Variants in CTNNA3 observed in about 807,000 individuals in gnomAD.
CTNNA3 encodes catenin alpha 3, also known as catenin alpha-3.
A neutral mutation model predicts 95.7 loss-of-function variants in CTNNA3; 76 were observed. That is an observed-to-expected ratio of 0.79 (90% CI 0.66 to 0.96). The LOEUF (loss-of-function observed/expected upper bound fraction) is 0.96, where lower values mean the gene tolerates loss of function less well. Ranked by LOEUF, CTNNA3 falls within the 40% of genes least tolerant of loss-of-function variation. The pLI is 0.00. For synonymous variants in CTNNA3, 431 were observed against 374.4 expected, an observed-to-expected ratio of 1.15 and a Z score of -1.74; for missense variants, 1,191 against 1,089.8, an observed-to-expected ratio of 1.09 and a Z score of -1.31.
chr10:66,182,651 G>T (rs764191492), intron 13 of CTNNA3, among the ~76,000 whole-genome samples: 12 of 152,058 alleles, frequency 7.9e-5, no homozygotes, highest in Admixed American at 1.3e-4. Flanking sequence ...CCAATGTGTG[G>T]AATTTTCTTT....
intron 5 of CTNNA3, among the ~76,000 whole-genome samples, chr10:67,379,887 G>T (rs540345023): frequency 1.3e-4 from 19 of 151,086 alleles, no homozygotes; most frequent in Non-Finnish European, 2.4e-4. Context: ...CGGGCGTAGT[G>T]GCGGGCGCCT....
At chr10:66,771,870 A>G (rs1564672504) in intron 8 of CTNNA3, among the ~76,000 whole-genome samples, 1 of 152,160 alleles carries the variant, frequency 6.6e-6, no homozygotes, top group Non-Finnish European at 1.5e-5. Context: ...GAATATAATC[A>G]TTGCTGTAAT....
chr10:67,225,033 G>C (rs1221113621), intron 5 of CTNNA3, among the ~76,000 whole-genome samples: 3 of 152,184 alleles, frequency 2.0e-5, no homozygotes, highest in Non-Finnish European at 4.4e-5. Context: ...GGCTGTTTGG[G>C]GGCACGGTGG....
At chr10:66,903,611 T>C (rs1845850792) in intron 7 of CTNNA3, among the ~76,000 whole-genome samples, 1 of 152,140 alleles carries the variant, frequency 6.6e-6, no homozygotes, top group Non-Finnish European at 1.5e-5. Flanking sequence ...GATGACATGA[T>C]TATATATTTA....
At chr10:67,682,853 G>A (rs987186845) in intron 1 of CTNNA3, among the ~76,000 whole-genome samples, 1 of 152,150 alleles carries the variant, frequency 6.6e-6, no homozygotes, top group Non-Finnish European at 1.5e-5. Context: ...AATTCAGAAT[G>A]GGCTAAATAA....
At chr10:66,073,296 G>C (rs565834052) in intron 14 of CTNNA3, among the ~76,000 whole-genome samples, 5 of 152,274 alleles carry the variant, frequency 3.3e-5, no homozygotes, top group African/African-American at 9.6e-5. Context: ...GATGATAACT[G>C]TGTGAGGTAA....
chr10:67,648,247 G>GGC (rs1375135613), intron 1 of CTNNA3, among the ~76,000 whole-genome samples: 1 of 152,098 alleles, frequency 6.6e-6, no homozygotes, highest in Non-Finnish European at 1.5e-5. Flanking sequence ...TATACCAAAT[G>GGC]ACCATATGTG....
intron 7 of CTNNA3, among the ~76,000 whole-genome samples, chr10:67,166,166 A>G (rs1861762636): frequency 6.6e-6 from 1 of 152,214 alleles, no homozygotes; most frequent in African/African-American, 2.4e-5. Context: ...TAGGTATTCA[A>G]TGATTCTAAT....
At chr10:67,642,922 A>AGGGGTCT in intron 2 of CTNNA3, among the ~76,000 whole-genome samples, 1 of 151,270 alleles carries the variant, frequency 6.6e-6, no homozygotes, top group African/African-American at 2.5e-5. Flanking sequence ...GCGATTTCTC[A>AGGGGTCT]AAGACCTAGA....
intron 5 of CTNNA3, among the ~76,000 whole-genome samples, chr10:67,253,712 G>A (rs1169819462): frequency 6.6e-6 from 1 of 152,190 alleles, no homozygotes; most frequent in Non-Finnish European, 1.5e-5. Flanking sequence ...GTTCCCTGCA[G>A]TTTCCTCCAA....
At chr10:66,697,300 C>T (rs952725422) in intron 9 of CTNNA3, among the ~76,000 whole-genome samples, 2 of 150,316 alleles carry the variant, frequency 1.3e-5, no homozygotes, top group African/African-American at 2.4e-5. Flanking sequence ...GCAAAACTTA[C>T]CTTCCTTAGA....
intron 3 of CTNNA3, among the ~76,000 whole-genome samples, chr10:67,567,652 T>C (rs72806681): frequency 1.1e-4 from 16 of 152,222 alleles, no homozygotes; most frequent in East Asian, 3.9e-4. Flanking sequence ...CTAATGTCTA[T>C]AGCCTCGGTA....
chr10:66,237,091 C>T (rs887090650), intron 13 of CTNNA3, among the ~76,000 whole-genome samples: 2 of 152,122 alleles, frequency 1.3e-5, no homozygotes, highest in African/African-American at 4.8e-5. Context: ...GATCACACCA[C>T]TGCAACAGAG....
rs1029671314 is a variant in CTNNA3, at chr10:65,914,667, G to T, written c.*5663C>A. 1 of 152,128 alleles carries T rather than the reference G, an allele frequency of 6.6e-6. No homozygotes were observed. The highest frequency in any genetic ancestry group is 2.4e-5 in the African/African-American group (1 of 41,432). 9.4% of individuals were successfully genotyped at this position (152,128 alleles called of 1,614,324 possible). A position where few individuals can be genotyped will look rare whatever the true frequency, so the allele number is the denominator to read the frequency against. ...CACATGTTAGCAGTAAAAGAGGAAA[G>T]GATTGGTGTTAACAAATGGTATTAA... On this transcript the variant is annotated 3_prime_UTR_variant, in exon 18 of 18. Transcript: ENST00000433211.
chr10:65,951,718 C>T (rs2077617248), intron 17 of CTNNA3, among the ~76,000 whole-genome samples: 1 of 151,702 alleles, frequency 6.6e-6, no homozygotes, highest in Admixed American at 6.6e-5. Context: ...AACATGAGAC[C>T]TAGAATGAAA....
intron 9 of CTNNA3, among the ~76,000 whole-genome samples, chr10:66,699,761 C>A (rs553597165): frequency 1.3e-5 from 2 of 151,530 alleles, no homozygotes; most frequent in Non-Finnish European, 2.9e-5. Context: ...TAGGTTCAAG[C>A]GATTCTCCTG....
At chr10:67,118,787 C>A (rs947117665) in intron 7 of CTNNA3, among the ~76,000 whole-genome samples, 1 of 151,778 alleles carries the variant, frequency 6.6e-6, no homozygotes, top group Non-Finnish European at 1.5e-5. Flanking sequence ...TTTCTCAATC[C>A]TAGTCCATAT....
intron 9 of CTNNA3, among the ~76,000 whole-genome samples, chr10:66,648,685 G>A (rs1845790421): frequency 1.2e-5 from 1 of 83,102 alleles, no homozygotes; most frequent in Non-Finnish European, 2.2e-5. Context: ...ATGATTCCCA[G>A]ACTTTTGTTT....
chr10:66,163,553 A>G (rs1328070199), intron 13 of CTNNA3, among the ~76,000 whole-genome samples: 1 of 152,050 alleles, frequency 6.6e-6, no homozygotes, highest in Non-Finnish European at 1.5e-5. Flanking sequence ...CACTCACAGT[A>G]TTTGCAGTGT....
Sources: allele counts gnomAD v4.1 joint callset (sites outside exome capture counted in the v4.1 genomes callset), GRCh38; gene constraint gnomAD v4.1.1; transcripts MANE v1.5; gene names NCBI Gene and HGNC (gene_info 2026-07-23, HGNC 2026-07-21).